EP400: variants seen among roughly 807,000 people sequenced by gnomAD.
EP400 encodes the protein E1A binding protein p400, also known as E1A-binding protein p400.
Under a neutral mutation model 354.1 loss-of-function variants are expected in EP400, and 105 were observed. The ratio of observed to expected loss-of-function variants is 0.30; its 90% CI spans 0.25 to 0.35. The LOEUF is 0.35. EP400 is among the 10% of genes least tolerant of loss of function. EP400 has a pLI of 1.00. For synonymous variants in EP400, 1,646 were observed against 1,716.9 expected (o/e 0.96, Z 1.02); for missense variants, 3,280 against 4,121.0 (o/e 0.80, Z 5.59).
At chr12:132,060,639 C>T (rs1317184982) in intron 45 of EP400, among the ~76,000 whole-genome samples, 5 of 152,080 alleles carry the variant, frequency 3.3e-5, no homozygotes, top group Non-Finnish European at 5.9e-5. Context: ...CAAGGGAGGC[C>T]GGGTGTGGTG....
chr12:131,960,711 A>ACCCCCC lies in EP400; in HGVS notation c.96_97insCCCCCC (p.Pro32_Asn33insProPro). On this transcript the variant is annotated inframe_insertion, in exon 2 of 53. Transcript: ENST00000389561. ...AGCGAGGGTGAGGAGCAGCCGGCCC[A>ACCCCCC]CCCCAACCCACCCCCGTCCCCCGCA... 2 of 136,580 alleles carry ACCCCCC rather than the reference A, an allele frequency of 1.5e-5. No homozygotes were observed. Among genetic ancestry groups the ACCCCCC allele is most frequent in the South Asian group, 8.0e-5 (1 of 12,518 alleles). 8.5% of individuals were successfully genotyped at this position (136,580 alleles called of 1,614,324 possible).
chr12:131,979,638 T>C, intron 2 of EP400, 56 bp from the exon 3 acceptor site: 1 of 1,488,346 alleles, frequency 6.7e-7, no homozygotes. Flanking sequence ...AATTTGAGTT[T>C]ATTCTTGTAA....
intron 15 of EP400, among the ~76,000 whole-genome samples, chr12:132,007,344 C>T (rs1278926988): frequency 6.6e-6 from 1 of 152,248 alleles, no homozygotes; most frequent in Non-Finnish European, 1.5e-5. Flanking sequence ...AATGGGGCAG[C>T]GTTTCTGATC....
In EP400 at chr12:131,990,591, C is replaced by G. The variant is rs1180806489; in HGVS notation, c.2551-45C>G. 1.4e-6 allele frequency: 2 copies of G among 1,416,896 alleles called. No homozygotes were observed. The highest frequency in any genetic ancestry group is 2.0e-6 in the Non-Finnish European group (2 of 1,015,704). The allele number at this position is 1,416,896 out of a possible 1,614,324, so 87.8% of individuals were successfully genotyped here. On this transcript the variant is annotated intron_variant, in intron 8 of 52. Transcript: ENST00000389561. The surrounding 1 kb of genome is among the most constrained non-coding windows in gnomAD (Gnocchi z 4.2). The stretch of plus-strand genomic sequence containing the variant: ...TTTTGTATGCAGAACGTCTGTAATT[C>G]CCATCCTTAGTAATGTGCTTATTCA...
In EP400 at chr12:132,053,166, C is replaced by T; in HGVS notation, c.7415C>T (p.Pro2472Leu). The T allele has an allele frequency of 6.2e-7, 1 of 1,614,010 alleles. No homozygotes were observed. ...TTCAGTGGAATCAACTATGACAAGCCGCTGCCTCCCATCCAGGTGGCATCT... is the reference window on the plus strand; with the variant it reads ...TTCAGTGGAATCAACTATGACAAGCTGCTGCCTCCCATCCAGGTGGCATCT... ...LAESGINYDKPLPPIQVASLR... is the reference protein window; with the variant it reads ...LAESGINYDKLLPPIQVASLR... The change falls in exon 42 of 53, where the codon CCG (proline) becomes CTG (leucine). Residue 2472 changes from proline to leucine, a missense_variant. By Grantham distance (98) the Pro-to-Leu change is moderately conservative. Transcript: ENST00000389561.
chr12:132,001,109 T>C (rs1213533678), intron 12 of EP400, among the ~76,000 whole-genome samples: 2 of 151,722 alleles, frequency 1.3e-5, no homozygotes, highest in African/African-American at 4.8e-5. Flanking sequence ...AGACGAGAGA[T>C]TGTGGAAATA....
chr12:132,063,645 T>G (rs1002867160), intron 47 of EP400, among the ~76,000 whole-genome samples: 1 of 152,178 alleles, frequency 6.6e-6, no homozygotes, highest in African/African-American at 2.4e-5. Context: ...GCCGGAGTGC[T>G]TGAGTCTGGG....
Position 132,018,241 on chromosome 12 carries a change from G to A in EP400, c.4142G>A (p.Gly1381Asp), listed in dbSNP as rs375823966. ...EADLSMFDLI[G>D]LENKITRHEA... ...GATCTTTCTATGTTTGATCTCATCG[G>A]CTTAGAAAATAAAATCACTCGTCAC... Residue 1381 changes from glycine (G) to aspartate (D), a missense_variant, in exon 21 of 53, where the codon GGC becomes GAC. Gly to Asp is a moderately conservative substitution (Grantham distance 94). Transcript: ENST00000389561. The surrounding 1 kb of genome is among the most constrained non-coding windows in gnomAD (Gnocchi z 4.0). 36 of 1,613,132 alleles carry A rather than the reference G, an allele frequency of 2.2e-5. No homozygotes were observed. Among genetic ancestry groups the A allele is most frequent in the Non-Finnish European group, 3.1e-5 (36 of 1,179,788 alleles).
At chr12:132,006,084 T>G in intron 13 of EP400, 28 bp from the exon 14 acceptor site, 2 of 1,593,596 alleles carry the variant, frequency 1.3e-6, no homozygotes. Flanking sequence ...TCAGTGGCCC[T>G]CACTTCTCTG....
Position 132,025,157 on chromosome 12 carries a change from G to GATGACCTGGGAAACT in EP400, c.4856-486_4856-472dup. On this transcript the variant is annotated intron_variant, in intron 24 of 52. Coordinates refer to ENST00000389561, the MANE Select transcript of EP400 (RefSeq NM_015409.5). The surrounding 1 kb of genome is among the most constrained non-coding windows in gnomAD (Gnocchi z 4.1). Reference sequence around the variant, plus strand: ...TGATGGCCGCCGGTTTATTCATAGAGATGACCTGGGAAACTATCTTCTCCA... The same window carrying GATGACCTGGGAAACT: ...TGATGGCCGCCGGTTTATTCATAGAGATGACCTGGGAAACTATGACCTGGGAAACTATCTTCTCCA... Among the ~76,000 whole-genome samples the GATGACCTGGGAAACT allele has an allele frequency of 6.6e-6, 1 of 152,070 alleles. No individual in the cohort carries two copies. Among genetic ancestry groups the GATGACCTGGGAAACT allele is most frequent in the East Asian group, 1.9e-4 (1 of 5,194 alleles).
intron 51 of EP400, among the ~76,000 whole-genome samples, chr12:132,073,482 C>G (rs1205247488): frequency 1.2e-5 from 1 of 81,424 alleles, no homozygotes; most frequent in Non-Finnish European, 2.0e-5. Context: ...TTGACACAGT[C>G]TTGCTCCATC....
rs150954367 is a variant in EP400 at position 132,044,854 on chromosome 12, G to T, written c.6685G>T (p.Val2229Phe). Residue 2229 changes from valine (V) to phenylalanine (F), a missense_variant, in exon 37 of 53, where the codon GTC becomes TTC. Physicochemically the swap from Val to Phe is conservative, Grantham distance 50. Coordinates refer to ENST00000389561, the MANE Select transcript of EP400 (RefSeq NM_015409.5). The stretch of plus-strand genomic sequence containing the variant: ...CGACAGCGACATCTACCTCGACTCG[G>T]TCATGTGTCTCATGTATGAAGCCAC... ...QDDSDIYLDS[V>F]MCLMYEATPI... 1.5e-4 allele frequency: 248 copies of T among 1,614,064 alleles called. No individual in the cohort carries two copies. The highest frequency in any genetic ancestry group is 2.5e-4 in the Admixed American group (15 of 60,008).
At chr12:132,046,854 G>A (rs936175733) in intron 39 of EP400, among the ~76,000 whole-genome samples, 3 of 152,232 alleles carry the variant, frequency 2.0e-5, no homozygotes, top group African/African-American at 7.2e-5. Context: ...CCCATTGGGA[G>A]GTGTGCTGCC....
chr12:132,044,116 C>T, intron 34 of EP400, 61 bp from the exon 35 acceptor site: 10 of 1,593,570 alleles, frequency 6.3e-6, no homozygotes, highest in South Asian at 1.1e-5. Context: ...GGAGCAGGGA[C>T]TCGGGGGCTG....
In EP400 at chr12:132,064,655, G is replaced by A; in HGVS notation, c.8335-13G>A. On this transcript the variant is annotated splice_polypyrimidine_tract_variant and intron_variant, in intron 47 of 52. Transcript: ENST00000389561. ...GTTAATGTTGAAGAGAAGATACTTT[G>A]CTTGTATTTTAGGAACACCTCATCA... is the stretch of plus-strand genomic sequence containing the variant. 6.2e-7 allele frequency: 1 copy of A among 1,608,276 alleles called. No individual in the cohort carries two copies. The highest frequency in any genetic ancestry group is 8.5e-7 in the Non-Finnish European group (1 of 1,175,798).
chr12:131,966,428 G>C (rs922362287), intron 2 of EP400, among the ~76,000 whole-genome samples: 2 of 151,824 alleles, frequency 1.3e-5, no homozygotes, highest in African/African-American at 4.8e-5. Flanking sequence ...AATCAGCTGG[G>C]CATGGTGGCA....
intron 2 of EP400, among the ~76,000 whole-genome samples, chr12:131,979,211 CAAA>C (rs1227389562): frequency 7.9e-5 from 6 of 76,416 alleles, no homozygotes; most frequent in Admixed American, 1.4e-4. Flanking sequence ...GACTCCGTCT[CAAA>C]AAAAAAAAAA....
chr12:131,992,471 T>C (rs1193255926), intron 11 of EP400, among the ~76,000 whole-genome samples: 1 of 152,224 alleles, frequency 6.6e-6, no homozygotes, highest in African/African-American at 2.4e-5. Context: ...GGGTGCATCT[T>C]GGAGAGTGTT....
Position 132,038,220 on chromosome 12 carries a change from C to A in EP400, c.6207+124C>A. The A allele has an allele frequency of 7.8e-7, 1 of 1,285,750 alleles. No homozygotes were observed. Among genetic ancestry groups the A allele is most frequent in the Non-Finnish European group, 1.1e-6 (1 of 941,206 alleles). The allele number at this position is 1,285,750 out of a possible 1,614,324, so 79.6% of individuals were successfully genotyped here. On this transcript the variant is annotated intron_variant, in intron 32 of 52. Coordinates refer to ENST00000389561, the MANE Select transcript of EP400 (RefSeq NM_015409.5). The surrounding 1 kb of genome is among the most constrained non-coding windows in gnomAD (Gnocchi z 4.2). ...CCCTGGCCTGAAGCCCTCTTCCCGTCCCTGCTTTTGGAACCTCCCCACTCC... is the reference window on the plus strand; with the variant it reads ...CCCTGGCCTGAAGCCCTCTTCCCGTACCTGCTTTTGGAACCTCCCCACTCC...
Sources: allele counts gnomAD v4.1 joint callset (sites outside exome capture counted in the v4.1 genomes callset), GRCh38; gene constraint gnomAD v4.1.1; non-coding constraint Gnocchi (gnomAD v3.1); transcripts MANE v1.5; gene names NCBI Gene and HGNC (gene_info 2026-07-23, HGNC 2026-07-21).